Variants in PRRC1 observed in about 807,000 individuals in gnomAD.
PRRC1 encodes the protein protein PRRC1.
Under a neutral mutation model 40.7 loss-of-function variants are expected in PRRC1, and 39 were observed. The observed-to-expected ratio is 0.96, with a 90% CI of 0.74 to 1.25. The LOEUF (loss-of-function observed/expected upper bound fraction) is 1.25, where lower values mean the gene tolerates loss of function less well. PRRC1 is among the 50% of genes most tolerant of loss of function. The pLI is 0.00. For missense variants in PRRC1, 573 were observed against 548.3 expected (o/e 1.05, Z -0.45); for synonymous variants, 175 against 193.3 (o/e 0.91, Z 0.79).
rs745944156 is a variant in PRRC1 at position 127,539,099 on chromosome 5, A to G, written c.981A>G (p.Thr327=). 4.3e-6 allele frequency: 7 copies of G among 1,613,024 alleles called. No homozygotes were observed. The highest frequency in any genetic ancestry group is 1.7e-4 in the Middle Eastern group (1 of 6,058). ...RRTGVIHEKQ[T]AVSVENFIAE... ...CTGGGGTGATCCATGAAAAACAGAC[A>G]GCTGTGTCAGTAGAAAACTTCATTG... is the stretch of plus-strand genomic sequence containing the variant. The change falls in exon 7 of 9, where the codon ACA becomes ACG. Residue 327 remains threonine, a synonymous_variant. Transcript: ENST00000296666.
Position 127,551,878 on chromosome 5 carries a change from G to A in PRRC1, c.1300G>A (p.Gly434Ser), listed in dbSNP as rs763374051. The change falls in exon 9 of 9, where the codon GGC becomes AGC. Residue 434 changes from glycine to serine, a missense_variant. Transcript: ENST00000296666. ...MIYSAARAIA[G>S]MYKQRLPPRT... The stretch of plus-strand genomic sequence containing the variant: ...CTACAGTGCAGCCAGAGCGATAGCG[G>A]GCATGTATAAACAGCGCCTGCCACC... 1.7e-5 allele frequency: 27 copies of A among 1,614,060 alleles called. No homozygotes were observed. The South Asian group carries it at 2.9e-4, about 17-fold the overall frequency.
At chr5:127,543,314 T>C (rs1768108248) in intron 7 of PRRC1, among the ~76,000 whole-genome samples, 2 of 152,084 alleles carry the variant, frequency 1.3e-5, no homozygotes, top group South Asian at 4.2e-4. Context: ...CATTTTTTCC[T>C]TCATTTCAAC....
intron 8 of PRRC1, 93 bp downstream of exon 8, chr5:127,548,014 T>C (rs1459233765): frequency 2.3e-6 from 2 of 855,070 alleles, no homozygotes; most frequent in South Asian, 2.7e-5. Flanking sequence ...TTGTTAGAAA[T>C]ATGTTCTTGA....
chr5:127,537,766 T>A (rs1027058083), intron 6 of PRRC1, among the ~76,000 whole-genome samples: 1 of 151,770 alleles, frequency 6.6e-6, no homozygotes. Flanking sequence ...TTAAGCTTTT[T>A]AAAAATCAAA....
intron 7 of PRRC1, among the ~76,000 whole-genome samples, chr5:127,543,567 C>T (rs866669417): frequency 1.3e-3 from 199 of 152,116 alleles, no homozygotes; most frequent in African/African-American, 3.7e-3. Context: ...AGGCTTTGTT[C>T]GTTTCTTTTT....
intron 7 of PRRC1, among the ~76,000 whole-genome samples, chr5:127,546,182 G>A (rs910192480): frequency 6.6e-6 from 1 of 151,918 alleles, no homozygotes; most frequent in African/African-American, 2.4e-5. Flanking sequence ...CTGTCTTCAG[G>A]TTCACTAATC....
At position 127,521,044 on chromosome 5, in the gene PRRC1, A is replaced by G. The variant is rs190710970; in HGVS notation, c.-20-2416A>G. The stretch of plus-strand genomic sequence containing the variant: ...GAATGCCTTACAGTTGTAGGATATG[A>G]TAAATTTCTCTTCATAGATTTTAGC... On this transcript the variant is annotated intron_variant, in intron 1 of 8. Coordinates refer to ENST00000296666, the MANE Select transcript of PRRC1 (RefSeq NM_130809.5). Among the ~76,000 whole-genome samples the G allele has an allele frequency of 2.0e-5, 3 of 152,284 alleles. No homozygotes were observed. The East Asian group carries it at 5.8e-4, about 29-fold the overall frequency.
intron 7 of PRRC1, among the ~76,000 whole-genome samples, chr5:127,540,957 C>T (rs1768027320): frequency 6.6e-6 from 1 of 152,106 alleles, no homozygotes; most frequent in African/African-American, 2.4e-5. Flanking sequence ...TGCCAGTTTT[C>T]AAAGGGAATG....
chr5:127,541,560 T>G (rs1054961692), intron 7 of PRRC1, among the ~76,000 whole-genome samples: 2 of 152,144 alleles, frequency 1.3e-5, no homozygotes, highest in African/African-American at 4.8e-5. Flanking sequence ...GATCCTGTTA[T>G]TGGTCTATTC....
Position 127,547,812 on chromosome 5 carries a change from G to T in PRRC1, c.1026-7G>T. 6.2e-7 allele frequency: 1 copy of T among 1,603,096 alleles called. No homozygotes were observed. The highest frequency in any genetic ancestry group is 8.5e-7 in the Non-Finnish European group (1 of 1,171,744). On this transcript the variant is annotated splice_region_variant and splice_polypyrimidine_tract_variant and intron_variant, in intron 7 of 8. Coordinates refer to ENST00000296666, the MANE Select transcript of PRRC1 (RefSeq NM_130809.5). ...TAAACCATTTGAAACTCGTAATTCTGTTGCAGATGGTTTGACATTGGTTGT... is the reference window on the plus strand; with the variant it reads ...TAAACCATTTGAAACTCGTAATTCTTTTGCAGATGGTTTGACATTGGTTGT...
chr5:127,533,148 TGTG>T (rs1250896181), intron 5 of PRRC1, among the ~76,000 whole-genome samples: 5 of 152,170 alleles, frequency 3.3e-5, no homozygotes, highest in Non-Finnish European at 7.4e-5. Flanking sequence ...AATATCTATT[TGTG>T]GTGTATGCTC....
intron 5 of PRRC1, 68 bp from the exon 6 acceptor site, chr5:127,533,555 G>T (rs1362581593): frequency 7.7e-7 from 1 of 1,297,720 alleles, no homozygotes; most frequent in African/African-American, 1.5e-5. Context: ...TTAGCACCTG[G>T]TATGGTAGTA....
chr5:127,525,639 T>C (rs1320718497), intron 3 of PRRC1, among the ~76,000 whole-genome samples: 1 of 152,216 alleles, frequency 6.6e-6, no homozygotes, highest in Non-Finnish European at 1.5e-5. Flanking sequence ...GGTCCCACTT[T>C]CTCTGCATTA....
In PRRC1 at chr5:127,524,758, C is replaced by T; in HGVS notation, c.331C>T (p.Pro111Ser). 6.2e-7 allele frequency: 1 copy of T among 1,614,168 alleles called. No homozygotes were observed. The highest frequency in any genetic ancestry group is 8.5e-7 in the Non-Finnish European group (1 of 1,180,024). ...CGGTAATCCTCCTGTATCTCACTTC[C>T]CACCTTCAACTTCTGCCCCAAACAC... ...AFGNPPVSHF[P>S]PSTSAPNTLL... Residue 111 changes from proline (P) to serine (S), a missense_variant, in exon 3 of 9, where the codon CCA becomes TCA. Physicochemically the swap from Pro to Ser is moderately conservative, Grantham distance 74. Coordinates refer to ENST00000296666, the MANE Select transcript of PRRC1 (RefSeq NM_130809.5).
At position 127,552,983 on chromosome 5, in the gene PRRC1, C is replaced by G. The variant is rs370490327; in HGVS notation, c.*1067C>G. The G allele has an allele frequency of 8.8e-6, 7 of 798,208 alleles. No individual in the cohort carries two copies. Among genetic ancestry groups the G allele is most frequent in the Admixed American group, 1.3e-4 (2 of 15,940 alleles). The allele number at this position is 798,208 out of a possible 1,614,324, so 49.4% of individuals were successfully genotyped here. A position where few individuals can be genotyped will look rare whatever the true frequency, so the allele number is the denominator to read the frequency against. ...TATTTCTATTTCGTGGAAGCCTTTT[C>G]CCCTCAAATAATATATTATATCATT... On this transcript the variant is annotated 3_prime_UTR_variant, in exon 9 of 9. Transcript: ENST00000296666.
Position 127,524,529 on chromosome 5 carries a change from A to G in PRRC1, c.104-2A>G, listed in dbSNP as rs1441444936. 1.8e-5 allele frequency: 29 copies of G among 1,586,854 alleles called. No homozygotes were observed. Among genetic ancestry groups the G allele is most frequent in the Middle Eastern group, 1.7e-4 (1 of 5,916 alleles). On this transcript the variant is annotated splice_acceptor_variant, in intron 2 of 8. Transcript: ENST00000296666. LOFTEE classifies it high-confidence loss of function. ...GCTTTTATCCTCTCCACTTTTTTCTAGCGGCAACCAGTTCTTTTTCTTCTC... is the reference window on the plus strand; with the variant it reads ...GCTTTTATCCTCTCCACTTTTTTCTGGCGGCAACCAGTTCTTTTTCTTCTC...
At chr5:127,548,377 G>A in intron 8 of PRRC1, 1 of 217,514 alleles carries the variant, frequency 4.6e-6, no homozygotes, top group Non-Finnish European at 9.1e-6. Context: ...TAGGTTTTTG[G>A]CTGAAAAATG....
At chr5:127,551,485 C>T (rs1768379742) in intron 8 of PRRC1, 1 of 504,826 alleles carries the variant, frequency 2.0e-6, no homozygotes, top group Non-Finnish European at 3.5e-6. Flanking sequence ...GACTGTTAGC[C>T]TCGTTAATGG....
chr5:127,550,249 A>G (rs1299874522), intron 8 of PRRC1: 1 of 152,168 alleles, frequency 6.6e-6, no homozygotes, highest in Non-Finnish European at 1.5e-5. Context: ...TTTAAAATTT[A>G]GAAGATACAA....
Sources: gnomAD v4.1 joint callset for allele counts (sites outside exome capture counted in the v4.1 genomes callset) on GRCh38, gnomAD v4.1.1 for gene constraint, MANE v1.5 for transcripts, NCBI Gene and HGNC (gene_info 2026-07-23, HGNC 2026-07-21) for gene names.